The following DPYD variants were observed in gnomAD, a reference collection of about 807,000 sequenced individuals.
DPYD encodes the protein dihydropyrimidine dehydrogenase, also known as dihydropyrimidine dehydrogenase [NADP(+)].
DPYD carries 109 observed loss-of-function variants against 116.2 expected under a neutral mutation model. That is an observed-to-expected ratio of 0.94 (90% CI 0.80 to 1.10). The LOEUF is 1.10. Ranked by LOEUF, DPYD falls within the 50% of genes least tolerant of loss-of-function variation. The pLI is 0.00. For missense variants in DPYD, 1,302 were observed against 1,254.5 expected (o/e 1.04, Z -0.57); for synonymous variants, 440 against 432.0 (o/e 1.02, Z -0.23).
chr1:97,431,535 T>C (rs1161399610), intron 14 of DPYD, among the ~76,000 whole-genome samples: 1 of 152,174 alleles, frequency 6.6e-6, no homozygotes, highest in East Asian at 1.9e-4. Flanking sequence ...TTTTTCTCTT[T>C]GATTTGTCAG....
chr1:97,829,691 G>T (rs1160446267), intron 2 of DPYD, among the ~76,000 whole-genome samples: 1 of 151,676 alleles, frequency 6.6e-6, no homozygotes, highest in Non-Finnish European at 1.5e-5. Flanking sequence ...GTTTCTTTTT[G>T]GCCCTGAAAT....
At chr1:97,204,895 T>C (rs1265895657) in intron 19 of DPYD, among the ~76,000 whole-genome samples, 1 of 152,060 alleles carries the variant, frequency 6.6e-6, no homozygotes, top group Non-Finnish European at 1.5e-5. Flanking sequence ...GAGACCTGAC[T>C]TGATCCAATA....
chr1:97,530,809 T>C (rs1570910494), intron 12 of DPYD, among the ~76,000 whole-genome samples: 1 of 152,338 alleles, frequency 6.6e-6, no homozygotes, highest in African/African-American at 2.4e-5. Context: ...ATAATAGTCA[T>C]TGTATCAAGT....
chr1:97,120,416 G>C (rs1652338851), intron 20 of DPYD, among the ~76,000 whole-genome samples: 1 of 151,996 alleles, frequency 6.6e-6, no homozygotes, highest in Non-Finnish European at 1.5e-5. Context: ...GAAGACAAAG[G>C]GTGTCTGAAA....
chr1:97,259,143 G>C (rs1045879411), intron 18 of DPYD, among the ~76,000 whole-genome samples: 7 of 151,970 alleles, frequency 4.6e-5, no homozygotes. Context: ...CTTATGTTTT[G>C]GTTTGCCATG....
intron 13 of DPYD, among the ~76,000 whole-genome samples, chr1:97,478,824 C>T (rs906666021): frequency 6.6e-6 from 1 of 152,204 alleles, no homozygotes; most frequent in Non-Finnish European, 1.5e-5. Context: ...CATCAGTTCT[C>T]TTAGCTGGAT....
intron 3 of DPYD, among the ~76,000 whole-genome samples, chr1:97,783,602 G>C (rs957834318): frequency 2.0e-5 from 3 of 151,932 alleles, no homozygotes; most frequent in Admixed American, 6.6e-5. Context: ...TGTTGGCCAA[G>C]CTGGTCTTGA....
chr1:97,129,767 T>C (rs984928344), intron 20 of DPYD, among the ~76,000 whole-genome samples: 7 of 152,208 alleles, frequency 4.6e-5, no homozygotes, highest in African/African-American at 1.7e-4. Flanking sequence ...CATCCTATTG[T>C]AGCATTTTTA....
rs75400870 is a variant in DPYD at position 97,323,863 on chromosome 1, T to C, written c.2059-17566A>G. ...CAGGAAATTTAAATCATATGAAGCATTGGTAGGACACAGGAACTATCCCCA... is the reference window on the plus strand; with the variant it reads ...CAGGAAATTTAAATCATATGAAGCACTGGTAGGACACAGGAACTATCCCCA... On this transcript the variant is annotated intron_variant, in intron 16 of 22. Transcript: ENST00000370192. 1.5e-3 allele frequency among the ~76,000 whole-genome samples: 232 copies of C among 151,784 alleles called. 8 individuals are homozygous for C. The East Asian group carries it at 0.044, about 29-fold the overall frequency.
At chr1:97,722,441 C>T (rs557945356) in intron 4 of DPYD, among the ~76,000 whole-genome samples, 1 of 151,404 alleles carries the variant, frequency 6.6e-6, no homozygotes, top group Non-Finnish European at 1.5e-5. Context: ...TTAACTGCAA[C>T]AAATGTACCA....
chr1:97,736,756 A>G (rs925478717), intron 4 of DPYD, among the ~76,000 whole-genome samples: 9 of 152,054 alleles, frequency 5.9e-5, no homozygotes, highest in Admixed American at 3.9e-4. Context: ...TTTAAATCAC[A>G]TGGCATACTC....
chr1:97,705,876 G>A (rs1661915355), intron 5 of DPYD, among the ~76,000 whole-genome samples: 1 of 151,964 alleles, frequency 6.6e-6, no homozygotes, highest in East Asian at 1.9e-4. Flanking sequence ...GCATTTCTCT[G>A]ATGGCCAGTG....
intron 16 of DPYD, among the ~76,000 whole-genome samples, chr1:97,312,458 G>C (rs1460705355): frequency 6.6e-6 from 1 of 151,738 alleles, no homozygotes; most frequent in Non-Finnish European, 1.5e-5. Flanking sequence ...TGTGTACAAA[G>C]ATGTCTGCCA....
chr1:97,133,372 G>GA (rs1241028731), intron 20 of DPYD, among the ~76,000 whole-genome samples: 1 of 151,608 alleles, frequency 6.6e-6, no homozygotes, highest in Non-Finnish European at 1.5e-5. Flanking sequence ...TTTTTTATTT[G>GA]AAAAAATAAC....
intron 8 of DPYD, among the ~76,000 whole-genome samples, chr1:97,622,788 A>G (rs140093830): frequency 3.4e-4 from 52 of 152,212 alleles, no homozygotes; most frequent in African/African-American, 1.2e-3. Context: ...TGCATGAAGT[A>G]TGAGTTTCTA....
At chr1:97,393,779 T>G (rs1171218035) in intron 14 of DPYD, among the ~76,000 whole-genome samples, 1 of 152,176 alleles carries the variant, frequency 6.6e-6, no homozygotes, top group Non-Finnish European at 1.5e-5. Context: ...TATAGCAGCA[T>G]GATTTATAAT....
chr1:97,233,880 C>G (rs1019575019), intron 19 of DPYD, among the ~76,000 whole-genome samples: 1 of 152,172 alleles, frequency 6.6e-6, no homozygotes, highest in Non-Finnish European at 1.5e-5. Context: ...TCTATTCCAT[C>G]TTCTTGGAAG....
chr1:97,801,214 C>G (rs1667828832), intron 3 of DPYD, among the ~76,000 whole-genome samples: 1 of 151,800 alleles, frequency 6.6e-6, no homozygotes, highest in Non-Finnish European at 1.5e-5. Flanking sequence ...TATGAGGACA[C>G]AGCAAGAAGA....
At chr1:97,775,963 G>A (rs989260219) in intron 3 of DPYD, among the ~76,000 whole-genome samples, 8 of 151,938 alleles carry the variant, frequency 5.3e-5, no homozygotes, top group African/African-American at 1.9e-4. Context: ...TTTACTTACG[G>A]TGGGTGCATA....
Sources: allele counts gnomAD v4.1 joint callset (sites outside exome capture counted in the v4.1 genomes callset), GRCh38; gene constraint gnomAD v4.1.1; transcripts MANE v1.5; gene names NCBI Gene and HGNC (gene_info 2026-07-23, HGNC 2026-07-21).